Variants in RUNX3 observed in about 807,000 individuals in gnomAD.
RUNX3 encodes the protein RUNX family transcription factor 3, also known as runt-related transcription factor 3.
Under a neutral mutation model 27.7 loss-of-function variants are expected in RUNX3, and 10 were observed. That is an observed-to-expected ratio of 0.36 (90% CI 0.22 to 0.61). The LOEUF (loss-of-function observed/expected upper bound fraction) is 0.61. Among genes scored for constraint, RUNX3 ranks in the 20% least tolerant of loss-of-function variants. The pLI is 0.72. For missense variants in RUNX3, 469 were observed against 629.5 expected (o/e 0.75, Z 2.73); for synonymous variants, 270 against 269.2 (o/e 1.00, Z -0.03).
intron 2 of RUNX3, among the ~76,000 whole-genome samples, chr1:24,942,212 GAAAC>G (rs1641496195): frequency 6.6e-6 from 1 of 152,150 alleles, no homozygotes; most frequent in Non-Finnish European, 1.5e-5. Context: ...GGAGAAGTAA[GAAAC>G]AGACAGAGGA....
At position 24,925,062 on chromosome 1, in the gene RUNX3, T is replaced by A. The variant is rs576986612; in HGVS notation, c.439+2512A>T. Among the ~76,000 whole-genome samples the A allele has an allele frequency of 3.9e-5, 6 of 152,332 alleles. No homozygotes were observed. The East Asian group carries it at 1.2e-3, about 29-fold the overall frequency. ...AGGTTTCCATCAGACTTCTTAGTTC[T>A]GGCAGAAGTCAAGAGACCCAGGCAA... On this transcript the variant is annotated intron_variant, in intron 2 of 4. Coordinates refer to ENST00000308873, the MANE Select transcript of RUNX3 (RefSeq NM_004350.3).
intron 2 of RUNX3, among the ~76,000 whole-genome samples, chr1:24,948,400 AGG>A (rs1234370366): frequency 6.6e-6 from 1 of 152,138 alleles, no homozygotes; most frequent in Non-Finnish European, 1.5e-5. Context: ...ACAAGGCGGG[AGG>A]CCTAACATGG....
upstream of RUNX3, among the ~76,000 whole-genome samples, chr1:24,934,381 T>G (rs545745225): frequency 2.0e-5 from 3 of 151,898 alleles, no homozygotes; most frequent in African/African-American, 7.2e-5. Flanking sequence ...CTTTCTTCCT[T>G]TTTGGAAAGT....
chr1:24,901,424 T>C lies in RUNX3; in HGVS notation c.*698A>G, dbSNP rs917975142. ...TCCTGGGTTTAAGAACCTGATGCCATAGACTCATCTTCTCTGGGGCCTGGG... is the reference window on the plus strand; with the variant it reads ...TCCTGGGTTTAAGAACCTGATGCCACAGACTCATCTTCTCTGGGGCCTGGG... On this transcript the variant is annotated 3_prime_UTR_variant, in exon 5 of 5. Transcript: ENST00000308873. 1 of 152,810 alleles carries C rather than the reference T, an allele frequency of 6.5e-6. No homozygotes were observed. The highest frequency in any genetic ancestry group is 1.5e-5 in the Non-Finnish European group (1 of 68,200). The allele number at this position is 152,810 out of a possible 1,614,324, so 9.5% of individuals were successfully genotyped here.
At chr1:24,933,564 G>A (rs560448124), upstream of RUNX3, among the ~76,000 whole-genome samples, 16 of 152,078 alleles carry the variant, frequency 1.1e-4, 1 homozygote, top group African/African-American at 2.9e-4. Flanking sequence ...CCCTCAATTC[G>A]CCCACAGGCT....
rs564765982 is a variant in RUNX3, at chr1:24,899,736, C to G, written c.*2386G>C. 5 of 152,768 alleles carry G rather than the reference C, an allele frequency of 3.3e-5. No individual in the cohort carries two copies. Among genetic ancestry groups the G allele is most frequent in the African/African-American group, 1.2e-4 (5 of 41,576 alleles). The allele number at this position is 152,768 out of a possible 1,614,324, so 9.5% of individuals were successfully genotyped here. A position where few individuals can be genotyped will look rare whatever the true frequency, so the allele number is the denominator to read the frequency against. On this transcript the variant is annotated 3_prime_UTR_variant, in exon 5 of 5. Transcript: ENST00000308873. ...CAGCAGGTGTCACACCTCAGCATGA[C>G]AATATGTCACAAAAGATTGGTACCC... is the stretch of plus-strand genomic sequence containing the variant.
rs1337657604 is a variant in RUNX3 at position 24,923,310 on chromosome 1, G to A, written c.440-3966C>T. ...CGGGAGACAGGGAGCCTGGGGAGCA[G>A]GGGTGGGAGAAAGCTGTCTCCCTGA... is the stretch of plus-strand genomic sequence containing the variant. On this transcript the variant is annotated intron_variant, in intron 2 of 4. Coordinates refer to ENST00000308873, the MANE Select transcript of RUNX3 (RefSeq NM_004350.3). The surrounding 1 kb of genome is among the most constrained non-coding windows in gnomAD (Gnocchi z 5.9). Among the ~76,000 whole-genome samples the A allele has an allele frequency of 3.9e-5, 6 of 152,136 alleles. No individual in the cohort carries two copies. In the East Asian group the frequency reaches 1.2e-3, roughly 29 times the overall value.
intron 2 of RUNX3, among the ~76,000 whole-genome samples, chr1:24,924,208 C>A (rs959550003): frequency 3.9e-5 from 6 of 152,130 alleles, no homozygotes; most frequent in Admixed American, 1.3e-4. Context: ...CCCATCTCTA[C>A]AACAAATAAT....
At chr1:24,939,043 C>T (rs989014225) in intron 2 of RUNX3, among the ~76,000 whole-genome samples, 5 of 152,160 alleles carry the variant, frequency 3.3e-5, no homozygotes, top group Non-Finnish European at 7.3e-5. Context: ...CGCATTTGGG[C>T]TGTGTCAGTG....
In RUNX3 at chr1:24,964,635, T is replaced by C. The variant is rs535090349; in HGVS notation, c.-64A>G. 28 of 1,557,150 alleles carry C rather than the reference T, an allele frequency of 1.8e-5. No homozygotes were observed. In the South Asian group the frequency reaches 3.3e-4, roughly 18 times the overall value. On this transcript the variant is annotated 5_prime_UTR_variant, in exon 2 of 7. Transcript: ENST00000338888. ...GGGGGTTGGGTTGGGATTCACTTGG[T>C]TGGCTGTTGTTTTATTTTTTTTTCC...
intron 1 of RUNX3, chr1:24,928,669 T>C (rs771784840): frequency 1.5e-5 from 3 of 193,590 alleles, no homozygotes; most frequent in African/African-American, 2.4e-5. Context: ...ATCTGACGAT[T>C]AAAGTCACAC....
intron 2 of RUNX3, among the ~76,000 whole-genome samples, chr1:24,920,826 A>G (rs1209291402): frequency 6.6e-6 from 1 of 152,100 alleles, no homozygotes; most frequent in East Asian, 1.9e-4. Context: ...TCTTCTCTCT[A>G]CTTTCTACAG....
rs1352171276 is a variant in RUNX3 at position 24,904,492 on chromosome 1, G to C, written c.704-1826C>G. On this transcript the variant is annotated intron_variant, in intron 4 of 4. Transcript: ENST00000308873. This position sits in a 1 kb window ranked among gnomAD's most constrained non-coding sequence, Gnocchi z 5.7. Reference sequence around the variant, plus strand: ...TTGGCTGTCCCGGCCCCTTGAGGCCGAGAGCCTCCGAGGCACCTGGCTGCC... The same window carrying C: ...TTGGCTGTCCCGGCCCCTTGAGGCCCAGAGCCTCCGAGGCACCTGGCTGCC... Among the ~76,000 whole-genome samples, 1 of 152,198 alleles carries C rather than the reference G, an allele frequency of 6.6e-6. No homozygotes were observed. Among genetic ancestry groups the C allele is most frequent in the African/African-American group, 2.4e-5 (1 of 41,452 alleles).
intron 3 of RUNX3, among the ~76,000 whole-genome samples, chr1:24,914,161 C>G (rs1640843788): frequency 6.6e-6 from 1 of 152,238 alleles, no homozygotes; most frequent in African/African-American, 2.4e-5. Flanking sequence ...GCCGTAAGGT[C>G]CAGCTGGCAA....
intron 2 of RUNX3, among the ~76,000 whole-genome samples, chr1:24,941,563 C>G (rs1641480511): frequency 1.3e-5 from 2 of 152,182 alleles, no homozygotes; most frequent in African/African-American, 2.4e-5. Flanking sequence ...CAGAGCTGAG[C>G]CTTGAACCTC....
chr1:24,934,691 G>A (rs1283373263), upstream of RUNX3, among the ~76,000 whole-genome samples: 1 of 152,202 alleles, frequency 6.6e-6, no homozygotes, highest in African/African-American at 2.4e-5. Flanking sequence ...AGGCTAGAGA[G>A]GGCCAGACCC....
In RUNX3 at chr1:24,943,604, G is replaced by A. The variant is rs1250391483; in HGVS notation, c.59-13752C>T. On this transcript the variant is annotated intron_variant, in intron 2 of 6. Transcript: ENST00000338888. The surrounding 1 kb of genome is among the most constrained non-coding windows in gnomAD (Gnocchi z 4.6). ...CCCTGGAACAGTTGGCCAGTGCGGA[G>A]AGGACCCCCGAAGATCTCTGAGGCT... Among the ~76,000 whole-genome samples, 5 of 152,358 alleles carry A rather than the reference G, an allele frequency of 3.3e-5. No homozygotes were observed. The highest frequency in any genetic ancestry group is 3.3e-4 in the Admixed American group (5 of 15,314).
intron 2 of RUNX3, among the ~76,000 whole-genome samples, chr1:24,961,105 A>T (rs760356563): frequency 6.8e-6 from 1 of 146,046 alleles, no homozygotes; most frequent in Middle Eastern, 3.2e-3. Context: ...CCTTCTCTCC[A>T]CAGTGAACTG....
chr1:24,914,941 C>T (rs1285440148), intron 3 of RUNX3, among the ~76,000 whole-genome samples: 1 of 152,200 alleles, frequency 6.6e-6, no homozygotes, highest in Non-Finnish European at 1.5e-5. Context: ...CCCTTGCACG[C>T]TCCACTCCTT....
Sources: gnomAD v4.1 joint callset for allele counts (sites outside exome capture counted in the v4.1 genomes callset) on GRCh38, gnomAD v4.1.1 for gene constraint, Gnocchi (gnomAD v3.1) non-coding constraint, MANE v1.5 for transcripts, NCBI Gene and HGNC (gene_info 2026-07-23, HGNC 2026-07-21) for gene names.